The following PCDHGA5 variants were observed in gnomAD, a reference collection of about 807,000 sequenced individuals.
The protein encoded by PCDHGA5 is protocadherin gamma subfamily A, 5.
In PCDHGA5, 36 loss-of-function variants were observed where a neutral mutation model predicts 56.7. The observed-to-expected ratio is 0.64, with a 90% CI of 0.49 to 0.84. The LOEUF (loss-of-function observed/expected upper bound fraction) is 0.84, where lower values mean the gene tolerates loss of function less well. Ranked by LOEUF, PCDHGA5 falls within the 40% of genes least tolerant of loss-of-function variation. The probability of loss-of-function intolerance (pLI) is 0.00; values close to 1 mark genes in which losing one functional copy is unlikely to be tolerated. For synonymous variants in PCDHGA5, 563 were observed against 520.2 expected (o/e 1.08, Z -1.12); for missense variants, 1,305 against 1,201.5 (o/e 1.09, Z -1.27).
At chr5:141,370,362 C>T (rs1766839959) in intron 1 of PCDHGA5, 3 of 1,517,790 alleles carry the variant, frequency 2.0e-6, no homozygotes, top group Non-Finnish European at 2.6e-6. Context: ...CTCCTCTCCT[C>T]GGATTTAGAA....
intron 1 of PCDHGA5, among the ~76,000 whole-genome samples, chr5:141,467,051 T>G (rs988417775): frequency 6.6e-6 from 1 of 151,462 alleles, no homozygotes; most frequent in Non-Finnish European, 1.5e-5. Context: ...TGAATCAATG[T>G]TTTCTTTTTT....
At chr5:141,371,827 A>AT (rs1561552791) in intron 1 of PCDHGA5, 3 of 1,613,784 alleles carry the variant, frequency 1.9e-6, no homozygotes, top group Admixed American at 3.3e-5. Context: ...AGAGCCTCGG[A>AT]TCCCGACTTG....
At chr5:141,405,002 C>G in intron 1 of PCDHGA5, 2 of 1,613,988 alleles carry the variant, frequency 1.2e-6, no homozygotes, top group Non-Finnish European at 1.7e-6. Context: ...CCCTGCAGAC[C>G]TGGAGGCCTC....
At chr5:141,506,130 GAGA>G (rs560751517) in intron 3 of PCDHGA5, among the ~76,000 whole-genome samples, 2 of 152,170 alleles carry the variant, frequency 1.3e-5, no homozygotes, top group Admixed American at 1.3e-4. Context: ...CCCAGAGCAG[GAGA>G]AGAAGAATAT....
intron 1 of PCDHGA5, chr5:141,389,622 G>A: frequency 6.2e-7 from 1 of 1,612,970 alleles, no homozygotes; most frequent in Non-Finnish European, 8.5e-7. Flanking sequence ...GCCGCACGCT[G>A]CAGAGCCTGG....
At chr5:141,374,136 C>A (rs769413254) in intron 1 of PCDHGA5, 3 of 1,605,624 alleles carry the variant, frequency 1.9e-6, no homozygotes, top group Middle Eastern at 1.7e-4. Context: ...CTGCTCCTCA[C>A]GCTCCTGGGG....
chr5:141,407,869 A>T lies in PCDHGA5; in HGVS notation c.2421+41118A>T, dbSNP rs1031666668. ...GGATGTACACCTGCATTTTCGAAGA[A>T]TATATACATTTCGGAGACCGAATTC... On this transcript the variant is annotated intron_variant, in intron 1 of 3. Coordinates refer to ENST00000518069, the MANE Select transcript of PCDHGA5 (RefSeq NM_018918.3). Among the ~76,000 whole-genome samples, 20 of 152,262 alleles carry T rather than the reference A, an allele frequency of 1.3e-4. No homozygotes were observed. The East Asian group carries it at 1.5e-3, about 12-fold the overall frequency.
At chr5:141,442,754 T>C (rs2098341364) in intron 1 of PCDHGA5, among the ~76,000 whole-genome samples, 1 of 152,220 alleles carries the variant, frequency 6.6e-6, no homozygotes, top group Non-Finnish European at 1.5e-5. Flanking sequence ...GTTTTGATTA[T>C]ATATATTTGT....
intron 1 of PCDHGA5, chr5:141,375,002 CTAGACTAT>C (rs1771028356): frequency 6.2e-7 from 1 of 1,613,890 alleles, no homozygotes; most frequent in Non-Finnish European, 8.5e-7. Flanking sequence ...TTCTGCAAAT[CTAGACTAT>C]GAGGACTCGA....
In PCDHGA5 at chr5:141,486,407, C is replaced by A; in HGVS notation, c.2422-8400C>A. The A allele has an allele frequency of 6.2e-7, 1 of 1,614,134 alleles. No homozygotes were observed. The highest frequency in any genetic ancestry group is 8.5e-7 in the Non-Finnish European group (1 of 1,180,000). On this transcript the variant is annotated intron_variant, in intron 1 of 3. Transcript: ENST00000518069. This position sits in a 1 kb window ranked among gnomAD's most constrained non-coding sequence, Gnocchi z 5.0. Reference sequence around the variant, plus strand: ...CCAGTTCTCCCTGGTGACTGCTGGACCCTTGGATCGAGAGGCCAAATCTAG... The same window carrying A: ...CCAGTTCTCCCTGGTGACTGCTGGAACCTTGGATCGAGAGGCCAAATCTAG...
intron 1 of PCDHGA5, chr5:141,384,126 C>T (rs749225079): frequency 1.9e-6 from 3 of 1,610,938 alleles, no homozygotes; most frequent in Non-Finnish European, 2.5e-6. Context: ...CAACCAAAAA[C>T]TTGGACCGGG....
chr5:141,390,042 G>A, intron 1 of PCDHGA5: 1 of 1,614,034 alleles, frequency 6.2e-7, no homozygotes, highest in Non-Finnish European at 8.5e-7. Flanking sequence ...CTCCAGCCCC[G>A]CCTCCTGGAG....
At chr5:141,404,769 A>G in intron 1 of PCDHGA5, 2 of 1,611,124 alleles carry the variant, frequency 1.2e-6, no homozygotes, top group Non-Finnish European at 1.7e-6. Flanking sequence ...TGGCTCTCCT[A>G]CCGCCTATTC....
intron 1 of PCDHGA5, chr5:141,429,251 A>C (rs2097199889): frequency 6.6e-6 from 1 of 151,884 alleles, no homozygotes; most frequent in Non-Finnish European, 1.5e-5. Context: ...GAGATATTTT[A>C]ATTGAGGAAT....
chr5:141,435,409 G>A (rs1387678336), intron 1 of PCDHGA5, among the ~76,000 whole-genome samples: 1 of 152,066 alleles, frequency 6.6e-6, no homozygotes, highest in African/African-American at 2.4e-5. Context: ...AAATGGTAAA[G>A]ACTATTTTTC....
Position 141,397,017 on chromosome 5 carries a change from G to T in PCDHGA5, c.2421+30266G>T, listed in dbSNP as rs149652099. On this transcript the variant is annotated intron_variant, in intron 1 of 3. Transcript: ENST00000518069. ...TAATCTGACAAATGGACTAAAGAAG[G>T]TTGACCAATGTCCACAAATTTATGT... Among the ~76,000 whole-genome samples, 399 of 152,296 alleles carry T rather than the reference G, an allele frequency of 2.6e-3. 1 individual carries two copies. Among genetic ancestry groups the T allele is most frequent in the Non-Finnish European group, 4.1e-3 (279 of 68,028 alleles).
rs758172004 is a variant in PCDHGA5, at chr5:141,477,909, C to T, written c.2422-16898C>T. On this transcript the variant is annotated intron_variant, in intron 1 of 3. Transcript: ENST00000518069. This position sits in a 1 kb window ranked among gnomAD's most constrained non-coding sequence, Gnocchi z 4.9. ...GTGTCACGGGTGGTAGGCTGGGACGCGGATGCAGGGCACAATGCCTGGCTC... is the reference window on the plus strand; with the variant it reads ...GTGTCACGGGTGGTAGGCTGGGACGTGGATGCAGGGCACAATGCCTGGCTC... 2 of 1,614,166 alleles carry T rather than the reference C, an allele frequency of 1.2e-6. No individual in the cohort carries two copies. Among genetic ancestry groups the T allele is most frequent in the Admixed American group, 1.7e-5 (1 of 60,016 alleles).
Position 141,432,878 on chromosome 5 carries a change from TTCGTCA to T in PCDHGA5, c.2422-61926_2422-61921del. 6.2e-7 allele frequency: 1 copy of T among 1,614,178 alleles called. No individual in the cohort carries two copies. The highest frequency in any genetic ancestry group is 1.7e-5 in the Admixed American group (1 of 60,036). Reference sequence around the variant, plus strand: ...CGCGGTCTCCTGCGTCTTCCTGGCCTTCGTCATCTTGCTGCTGGCGCTCAGGCTGCG... The same window carrying T: ...CGCGGTCTCCTGCGTCTTCCTGGCCTTCTTGCTGCTGGCGCTCAGGCTGCG... On this transcript the variant is annotated intron_variant, in intron 1 of 3. Transcript: ENST00000518069. This position sits in a 1 kb window ranked among gnomAD's most constrained non-coding sequence, Gnocchi z 6.0.
chr5:141,485,539 G>C lies in PCDHGA5; in HGVS notation c.2422-9268G>C, dbSNP rs370323886. The C allele has an allele frequency of 9.9e-6, 16 of 1,613,986 alleles. No homozygotes were observed. In the African/African-American group the frequency reaches 2.0e-4, roughly 20 times the overall value. On this transcript the variant is annotated intron_variant, in intron 1 of 3. Transcript: ENST00000518069. This position sits in a 1 kb window ranked among gnomAD's most constrained non-coding sequence, Gnocchi z 5.7. ...TGGAAATGTACCGAGCAGAGGTAGA[G>C]ATCGTAGATGTGAATGATCACGCCC... is the stretch of plus-strand genomic sequence containing the variant.
Sources: allele counts gnomAD v4.1 joint callset (sites outside exome capture counted in the v4.1 genomes callset), GRCh38; gene constraint gnomAD v4.1.1; non-coding constraint Gnocchi (gnomAD v3.1); transcripts MANE v1.5; gene names NCBI Gene and HGNC (gene_info 2026-07-23, HGNC 2026-07-21).